The following ITGA6 variants were observed in gnomAD, a reference collection of about 807,000 sequenced individuals.
The protein encoded by ITGA6 is integrin subunit alpha 6, also known as integrin alpha-6.
In ITGA6, 63 loss-of-function variants were observed where a neutral mutation model predicts 133.6. The observed-to-expected ratio is 0.47, with a 90% CI of 0.38 to 0.58. ITGA6 has a LOEUF of 0.58. ITGA6 is among the 20% of genes least tolerant of loss of function. The pLI, the probability that ITGA6 is intolerant of heterozygous loss-of-function variation, is 0.00. For synonymous variants in ITGA6, 434 were observed against 482.0 expected (o/e 0.90, Z 1.30); for missense variants, 1,068 against 1,309.4 (o/e 0.82, Z 2.85).
At chr2:172,428,089 G>C (rs1683937211) in intron 1 of ITGA6, 119 bp downstream of exon 1, 4 of 984,584 alleles carry the variant, frequency 4.1e-6, no homozygotes, top group Non-Finnish European at 5.3e-6. Context: ...TCGCGCCCGG[G>C]CCGGCCGAGG....
At chr2:172,474,424 C>A (rs1384509321) in intron 6 of ITGA6, among the ~76,000 whole-genome samples, 159 bp downstream of exon 6, 1 of 152,166 alleles carries the variant, frequency 6.6e-6, no homozygotes, top group African/African-American at 2.4e-5. Context: ...ATGATGGCAG[C>A]AGACAGACAT....
intron 24 of ITGA6, among the ~76,000 whole-genome samples, chr2:172,500,304 A>G (rs1331778654): frequency 6.6e-6 from 1 of 151,750 alleles, no homozygotes; most frequent in East Asian, 1.9e-4. Flanking sequence ...AAAGATGCTC[A>G]TGACCAGGGA....
At chr2:172,487,511 G>T (rs1323315218) in intron 15 of ITGA6, 36 bp from the exon 16 acceptor site, 1 of 1,611,358 alleles carries the variant, frequency 6.2e-7, no homozygotes, top group Non-Finnish European at 8.5e-7. Context: ...TGTGGCAAAT[G>T]AGTGGATTGT....
chr2:172,427,968 G>C lies in ITGA6; in HGVS notation c.180G>C (p.Arg60=). The change falls in exon 1 of 26, where the codon CGG becomes CGC. Residue 60 remains arginine (R), a splice_region_variant and synonymous_variant. Transcript: ENST00000684293. ...GGCAACTGCAGCCCGAGGACAAGCGGCTGTGAGTTCCCAGACCCTTCCCAC... is the reference window on the plus strand; with the variant it reads ...GGCAACTGCAGCCCGAGGACAAGCGCCTGTGAGTTCCCAGACCCTTCCCAC... The part of the protein sequence containing the change: ...MHWQLQPEDK[R]LLLVGAPRAE... The C allele has an allele frequency of 6.2e-7, 1 of 1,603,762 alleles. No individual in the cohort carries two copies. Among genetic ancestry groups the C allele is most frequent in the Non-Finnish European group, 8.5e-7 (1 of 1,175,912 alleles).
At chr2:172,500,766 C>A (rs1470016898) in intron 24 of ITGA6, among the ~76,000 whole-genome samples, 1 of 152,224 alleles carries the variant, frequency 6.6e-6, no homozygotes, top group African/African-American at 2.4e-5. Flanking sequence ...TGGAAATGTT[C>A]TGGAGCTGCA....
In ITGA6 at chr2:172,487,454, G is replaced by A; in HGVS notation, c.2160+1G>A. Reference sequence around the variant, plus strand: ...ATATAGAGAACTGAGGGCTTTCCCTGTAAGTATTGTTAGAGACCAGCTGAG... The same window carrying A: ...ATATAGAGAACTGAGGGCTTTCCCTATAAGTATTGTTAGAGACCAGCTGAG... On this transcript the variant is annotated splice_donor_variant, in intron 15 of 25. Transcript: ENST00000684293. LOFTEE classifies it high-confidence loss of function. 2 of 1,613,654 alleles carry A rather than the reference G, an allele frequency of 1.2e-6. No individual in the cohort carries two copies. Among genetic ancestry groups the A allele is most frequent in the Non-Finnish European group, 1.7e-6 (2 of 1,179,554 alleles).
intron 24 of ITGA6, among the ~76,000 whole-genome samples, chr2:172,499,703 A>G (rs182842334): frequency 6.6e-6 from 1 of 152,212 alleles, no homozygotes; most frequent in African/African-American, 2.4e-5. Context: ...TTGGGGTTTG[A>G]TATTTGAGGA....
chr2:172,443,281 C>T (rs930105218), intron 1 of ITGA6, among the ~76,000 whole-genome samples: 5 of 152,148 alleles, frequency 3.3e-5, no homozygotes, highest in African/African-American at 1.2e-4. Flanking sequence ...TTAATCTCTG[C>T]ATAATACTCA....
chr2:172,484,728 T>C, intron 11 of ITGA6, 54 bp from the exon 12 acceptor site: 1 of 1,433,388 alleles, frequency 7.0e-7, no homozygotes, highest in South Asian at 1.1e-5. Context: ...AACATGCTTG[T>C]GGCTGGATTG....
chr2:172,478,234 G>A (rs1686264770), intron 9 of ITGA6, among the ~76,000 whole-genome samples: 1 of 152,174 alleles, frequency 6.6e-6, no homozygotes, highest in Admixed American at 6.5e-5. Flanking sequence ...CAGGGAATGT[G>A]GGCAGTATTT....
chr2:172,479,201 G>A (rs1038607490), intron 9 of ITGA6, among the ~76,000 whole-genome samples: 50 of 152,110 alleles, frequency 3.3e-4, no homozygotes, highest in Non-Finnish European at 8.8e-5. Flanking sequence ...TGTATATACA[G>A]GACAAGACCT....
intron 1 of ITGA6, among the ~76,000 whole-genome samples, chr2:172,456,406 A>G (rs1685210353): frequency 6.6e-6 from 1 of 152,222 alleles, no homozygotes; most frequent in South Asian, 2.1e-4. Flanking sequence ...AAGCTGCTGC[A>G]TCAGTCAGGT....
upstream of ITGA6, chr2:172,427,567 C>T (rs531972975): frequency 3.3e-6 from 4 of 1,225,816 alleles, no homozygotes; most frequent in Non-Finnish European, 4.1e-6. Flanking sequence ...GATAAAACGC[C>T]TGCGAGTCTC....
chr2:172,501,764 C>CCCG lies in ITGA6; in HGVS notation c.3115-7_3115-6insCGC. ...GTAAAATTGACTAAATACCTTGCTT[C>CCCG]CTTGTAGTGTGGTTTCTTCAAGAGA... is the stretch of plus-strand genomic sequence containing the variant. On this transcript the variant is annotated splice_polypyrimidine_tract_variant and splice_region_variant and intron_variant, in intron 24 of 25. Transcript: ENST00000684293. 1 of 1,611,650 alleles carries CCCG rather than the reference C, an allele frequency of 6.2e-7. No individual in the cohort carries two copies. Among genetic ancestry groups the CCCG allele is most frequent in the Non-Finnish European group, 8.5e-7 (1 of 1,179,308 alleles).
intron 1 of ITGA6, among the ~76,000 whole-genome samples, chr2:172,445,599 A>C (rs1684730716): frequency 6.7e-6 from 1 of 149,110 alleles, no homozygotes; most frequent in African/African-American, 2.5e-5. Context: ...CAGTGAGCTG[A>C]GATTGCGCCA....
At chr2:172,471,891 T>A in intron 5 of ITGA6, among the ~76,000 whole-genome samples, 1 of 135,102 alleles carries the variant, frequency 7.4e-6, no homozygotes. Flanking sequence ...AATAGTAACC[T>A]GTTTAAAAAA....
At chr2:172,481,650 C>T (rs960590759) in intron 11 of ITGA6, among the ~76,000 whole-genome samples, 10 of 152,114 alleles carry the variant, frequency 6.6e-5, no homozygotes, top group African/African-American at 2.4e-4. Flanking sequence ...TCTGTGGGGT[C>T]GTCTCCTGCT....
chr2:172,490,726 G>A (rs1686885298), intron 20 of ITGA6: 1 of 358,504 alleles, frequency 2.8e-6, no homozygotes, highest in African/African-American at 2.1e-5. Context: ...TCTGATCTCA[G>A]TATGCCCACA....
intron 3 of ITGA6, 83 bp downstream of exon 3, chr2:172,467,643 G>A (rs1051984546): frequency 3.7e-5 from 40 of 1,066,848 alleles, no homozygotes; most frequent in Non-Finnish European, 5.7e-5. Context: ...GGGGACAGCA[G>A]GGAGCATACA....
Sources: gnomAD v4.1 joint callset for allele counts (sites outside exome capture counted in the v4.1 genomes callset) on GRCh38, gnomAD v4.1.1 for gene constraint, MANE v1.5 for transcripts, NCBI Gene and HGNC (gene_info 2026-07-23, HGNC 2026-07-21) for gene names.